PCDH11X: variants seen among roughly 807,000 people sequenced by gnomAD.
PCDH11X encodes the protein protocadherin 11 X-linked.
Under a neutral mutation model 53.3 loss-of-function variants are expected in PCDH11X, and 18 were observed. The ratio of observed to expected loss-of-function variants is 0.34; its 90% CI spans 0.23 to 0.50. The LOEUF (loss-of-function observed/expected upper bound fraction) is 0.50. Among genes scored for constraint, PCDH11X ranks in the 20% least tolerant of loss-of-function variants. The probability of loss-of-function intolerance (pLI) is 0.98; values close to 1 mark genes in which losing one functional copy is unlikely to be tolerated. For missense variants in PCDH11X, 570 were observed against 1,032.4 expected, an observed-to-expected ratio of 0.55 and a Z score of 6.14; for synonymous variants, 279 against 393.3, an observed-to-expected ratio of 0.71 and a Z score of 3.44.
chrX:92,526,095 A>C (rs757448815), intron 10 of PCDH11X, among the ~76,000 whole-genome samples: 1 of 111,506 alleles, frequency 9.0e-6, no homozygotes, highest in Non-Finnish European at 1.9e-5. Flanking sequence ...TTCATTCTTA[A>C]TTCATCACGG....
intron 5 of PCDH11X, among the ~76,000 whole-genome samples, chrX:91,858,348 AT>A (rs1938469582): frequency 9.0e-6 from 1 of 111,359 alleles, no homozygotes; most frequent in African/African-American, 3.3e-5. Context: ...ATCTGCTGAC[AT>A]GTCCTGGAGT....
At chrX:92,187,354 T>C (rs116049024) in intron 6 of PCDH11X, among the ~76,000 whole-genome samples, 3,169 of 111,834 alleles carry the variant, frequency 0.028, 102 homozygotes, top group African/African-American at 0.097. Flanking sequence ...TGTGATTACA[T>C]TGCAATCTCC....
intron 10 of PCDH11X, among the ~76,000 whole-genome samples, chrX:92,534,658 G>A (rs1226953516): frequency 9.0e-6 from 1 of 111,152 alleles, no homozygotes; most frequent in Admixed American, 9.6e-5. Flanking sequence ...CAGAGAGAAA[G>A]GTCAGGTTAC....
intron 6 of PCDH11X, among the ~76,000 whole-genome samples, chrX:92,096,438 ATGTGTGTGTG>A (rs10591250): frequency 0.028 from 2,629 of 94,380 alleles, 33 homozygotes; most frequent in Non-Finnish European, 0.04. Flanking sequence ...GTGTATGTGT[ATGTGTGTGTG>A]TGTGTGTGTG....
chrX:92,011,727 C>T (rs1254723455), intron 6 of PCDH11X, among the ~76,000 whole-genome samples: 1 of 111,145 alleles, frequency 9.0e-6, no homozygotes, highest in African/African-American at 3.3e-5. Context: ...GGTAGATATA[C>T]AGATTGATAG....
chrX:91,834,534 C>T (rs961026892), intron 4 of PCDH11X: 13 of 108,492 alleles, frequency 1.2e-4, no homozygotes, highest in Non-Finnish European at 1.7e-4. Flanking sequence ...TTTATATGAA[C>T]TACCTTCTGC....
intron 6 of PCDH11X, among the ~76,000 whole-genome samples, chrX:91,912,218 C>T (rs1403756314): frequency 2.7e-5 from 3 of 111,409 alleles, no homozygotes; most frequent in African/African-American, 9.8e-5. Flanking sequence ...ATACCATCTG[C>T]AAACAGGGAT....
At chrX:92,402,458 T>C (rs1236987475) in intron 9 of PCDH11X, among the ~76,000 whole-genome samples, 1 of 110,942 alleles carries the variant, frequency 9.0e-6, no homozygotes, top group African/African-American at 3.3e-5. Context: ...TGGAACCGAA[T>C]AGAGAGCCTA....
chrX:92,297,430 C>T (rs1306484065), intron 8 of PCDH11X, among the ~76,000 whole-genome samples: 1 of 109,628 alleles, frequency 9.1e-6, no homozygotes, highest in Admixed American at 9.8e-5. Context: ...TTGTTTTTGT[C>T]GACTTTGTCA....
At chrX:92,162,294 C>A (rs1255927988) in intron 6 of PCDH11X, among the ~76,000 whole-genome samples, 1 of 107,394 alleles carries the variant, frequency 9.3e-6, no homozygotes, top group African/African-American at 3.4e-5. Context: ...TGGGTTCAAG[C>A]GATTCTCCTG....
rs529379491 is a variant in PCDH11X at position 92,494,099 on chromosome X, G to A, written c.3367+25777G>A. Among the ~76,000 whole-genome samples, 34 of 108,141 alleles carry A rather than the reference G, an allele frequency of 3.1e-4. 1 individual carries two copies. The South Asian group carries it at 0.013, about 41-fold the overall frequency. 93.9% of individuals were successfully genotyped at this position (108,141 alleles called of 115,157 possible). A position where few individuals can be genotyped will look rare whatever the true frequency, so the allele number is the denominator to read the frequency against. ...ACACCCATACCAAAAGAACCATTTCGCTATTTTGCATATTATCTATTCTAA... is the reference window on the plus strand; with the variant it reads ...ACACCCATACCAAAAGAACCATTTCACTATTTTGCATATTATCTATTCTAA... On this transcript the variant is annotated intron_variant, in intron 10 of 10. Transcript: ENST00000682573.
intron 10 of PCDH11X, among the ~76,000 whole-genome samples, chrX:92,489,921 A>T (rs2073724727): frequency 9.8e-6 from 1 of 101,853 alleles, no homozygotes; most frequent in Non-Finnish European, 2.0e-5. Context: ...TATTTTTAAC[A>T]TCTATAATTA....
chrX:91,984,193 G>T (rs2147932545), intron 6 of PCDH11X, among the ~76,000 whole-genome samples: 1 of 97,213 alleles, frequency 1.0e-5, no homozygotes, highest in East Asian at 3.3e-4. Context: ...CGTTTTAATA[G>T]ATTTTTACTC....
chrX:92,525,495 G>C (rs1397243781), intron 10 of PCDH11X, among the ~76,000 whole-genome samples: 1 of 108,883 alleles, frequency 9.2e-6, no homozygotes, highest in East Asian at 2.9e-4. Flanking sequence ...GCCAGGAGTG[G>C]TGGTGCATGC....
chrX:92,125,220 T>C (rs751196915), intron 6 of PCDH11X, among the ~76,000 whole-genome samples: 2 of 111,713 alleles, frequency 1.8e-5, no homozygotes, highest in South Asian at 7.4e-4. Context: ...TGATATTATG[T>C]CCTTTTAGTC....
At chrX:91,886,926 G>A (rs1482154737) in intron 6 of PCDH11X, among the ~76,000 whole-genome samples, 7 of 100,466 alleles carry the variant, frequency 7.0e-5, no homozygotes, top group East Asian at 3.1e-4. Flanking sequence ...AGCCAAGATG[G>A]CGCCACTGCA....
At chrX:92,440,356 A>T (rs2072486567) in intron 9 of PCDH11X, among the ~76,000 whole-genome samples, 1 of 106,626 alleles carries the variant, frequency 9.4e-6, no homozygotes, top group Admixed American at 1.0e-4. Flanking sequence ...TGCCATATGT[A>T]TGTTCATGAG....
At chrX:91,793,153 A>T (rs1935611875) in intron 1 of PCDH11X, among the ~76,000 whole-genome samples, 1 of 107,298 alleles carries the variant, frequency 9.3e-6, no homozygotes, top group Admixed American at 1.0e-4. Flanking sequence ...TCTGTGAAAC[A>T]GGTATTGCAT....
At chrX:92,118,731 CTTTTTT>C (rs199880924) in intron 6 of PCDH11X, among the ~76,000 whole-genome samples, 1 of 45,648 alleles carries the variant, frequency 2.2e-5, no homozygotes, top group African/African-American at 9.7e-5. Flanking sequence ...ATAATGCAGT[CTTTTTT>C]TTTTTTTTTT....
Sources: allele counts gnomAD v4.1 joint callset (sites outside exome capture counted in the v4.1 genomes callset), GRCh38; gene constraint gnomAD v4.1.1; transcripts MANE v1.5; gene names NCBI Gene and HGNC (gene_info 2026-07-23, HGNC 2026-07-21).